GABRG3: variants seen among roughly 807,000 people sequenced by gnomAD.
The protein encoded by GABRG3 is gamma-aminobutyric acid type A receptor subunit gamma3.
A neutral mutation model predicts 48.8 loss-of-function variants in GABRG3; 25 were observed. That is an observed-to-expected ratio of 0.51 (90% CI 0.37 to 0.72). The LOEUF (loss-of-function observed/expected upper bound fraction) is 0.72, where lower values mean the gene tolerates loss of function less well. Ranked by LOEUF, GABRG3 falls within the 30% of genes least tolerant of loss-of-function variation. The pLI is 0.00. For missense variants in GABRG3, 394 were observed against 577.9 expected (o/e 0.68, Z 3.26); for synonymous variants, 227 against 217.6 (o/e 1.04, Z -0.38).
At chr15:27,442,850 G>A (rs1020050383) in intron 5 of GABRG3, among the ~76,000 whole-genome samples, 1 of 152,166 alleles carries the variant, frequency 6.6e-6, no homozygotes, top group Non-Finnish European at 1.5e-5. Flanking sequence ...CTTCCAAGGG[G>A]TAGAACTTCA....
intron 3 of GABRG3, among the ~76,000 whole-genome samples, chr15:27,175,678 G>A (rs780634516): frequency 6.6e-6 from 1 of 152,238 alleles, no homozygotes; most frequent in South Asian, 2.1e-4. Context: ...GTAAATGGTA[G>A]GAAGCATGGC....
chr15:27,091,191 A>G (rs1897178836), intron 3 of GABRG3, among the ~76,000 whole-genome samples: 1 of 152,204 alleles, frequency 6.6e-6, no homozygotes, highest in African/African-American at 2.4e-5. Flanking sequence ...ATTTTTCATC[A>G]TTAACAGATA....
chr15:27,300,662 T>A (rs369761199), intron 3 of GABRG3, among the ~76,000 whole-genome samples: 91 of 20,400 alleles, frequency 4.5e-3, no homozygotes, highest in South Asian at 5.2e-3. Context: ...CATCTCAAAA[T>A]AAATAAATAA....
chr15:27,004,107 C>T (rs1449703593), intron 2 of GABRG3, among the ~76,000 whole-genome samples: 6 of 147,246 alleles, frequency 4.1e-5, no homozygotes, highest in East Asian at 2.1e-4. Context: ...CCGGACGGGG[C>T]GGCTGGCCGG....
At chr15:27,254,886 G>GGC (rs1566981572) in intron 3 of GABRG3, among the ~76,000 whole-genome samples, 1 of 84,656 alleles carries the variant, frequency 1.2e-5, no homozygotes, top group African/African-American at 3.9e-5. Flanking sequence ...GAGAGAGACA[G>GGC]ACACAGACAG....
chr15:26,984,873 T>C (rs573719830), intron 2 of GABRG3, among the ~76,000 whole-genome samples: 1 of 152,162 alleles, frequency 6.6e-6, no homozygotes, highest in Non-Finnish European at 1.5e-5. Context: ...ATATTGGCTT[T>C]TAAAAGTGAA....
intron 1 of GABRG3, among the ~76,000 whole-genome samples, chr15:26,973,216 A>T (rs1894878375): frequency 6.6e-6 from 1 of 152,168 alleles, no homozygotes; most frequent in Non-Finnish European, 1.5e-5. Context: ...CTTAGTAGGA[A>T]GATACCTCAG....
intron 3 of GABRG3, among the ~76,000 whole-genome samples, chr15:27,187,333 G>A (rs1288522306): frequency 1.3e-5 from 2 of 152,142 alleles, no homozygotes; most frequent in Non-Finnish European, 2.9e-5. Context: ...TAGCCTTGTA[G>A]TATAGTTTAA....
intron 3 of GABRG3, among the ~76,000 whole-genome samples, chr15:27,277,755 A>G (rs1891302326): frequency 6.6e-6 from 1 of 152,214 alleles, no homozygotes. Context: ...AATAACTGCA[A>G]TTAAATCTGC....
chr15:27,045,591 G>A (rs1021611622), intron 3 of GABRG3, among the ~76,000 whole-genome samples: 65 of 152,326 alleles, frequency 4.3e-4, no homozygotes, highest in African/African-American at 1.4e-3. Flanking sequence ...TGCTGCAATT[G>A]CTGGGCATCA....
intron 5 of GABRG3, among the ~76,000 whole-genome samples, chr15:27,417,596 C>T (rs1368089957): frequency 1.3e-5 from 2 of 152,138 alleles, no homozygotes; most frequent in Non-Finnish European, 2.9e-5. Flanking sequence ...ACAGTGTGTC[C>T]GCTTTCTCTC....
chr15:27,244,619 AT>A (rs1595608891), intron 3 of GABRG3, among the ~76,000 whole-genome samples: 1 of 152,168 alleles, frequency 6.6e-6, no homozygotes, highest in East Asian at 1.9e-4. Context: ...TTAAATAAAT[AT>A]TTAAATCTTA....
At chr15:27,064,747 G>C (rs911278874) in intron 3 of GABRG3, among the ~76,000 whole-genome samples, 10 of 152,092 alleles carry the variant, frequency 6.6e-5, no homozygotes, top group African/African-American at 2.4e-4. Flanking sequence ...ATCAGAGCAG[G>C]GTGTCCACAG....
intron 3 of GABRG3, among the ~76,000 whole-genome samples, chr15:27,207,710 C>T (rs1434405454): frequency 2.0e-5 from 3 of 152,118 alleles, no homozygotes; most frequent in Non-Finnish European, 2.9e-5. Context: ...CCTTTGCTAG[C>T]GCTCAAGGTG....
chr15:27,131,446 A>T (rs1897915070), intron 3 of GABRG3, among the ~76,000 whole-genome samples: 1 of 151,842 alleles, frequency 6.6e-6, no homozygotes. Context: ...ATAGCATTTC[A>T]TTCAGGATTC....
chr15:27,162,477 T>C (rs577260582), intron 3 of GABRG3, among the ~76,000 whole-genome samples: 2 of 152,350 alleles, frequency 1.3e-5, no homozygotes, highest in East Asian at 3.9e-4. Context: ...TGTGCAGCTT[T>C]GGTCCTCTTG....
At chr15:27,142,026 A>G (rs1898113041) in intron 3 of GABRG3, among the ~76,000 whole-genome samples, 1 of 152,142 alleles carries the variant, frequency 6.6e-6, no homozygotes, top group South Asian at 2.1e-4. Context: ...TTGAGTGGAA[A>G]AGTTTTTACA....
chr15:27,358,972 G>T (rs527457460), intron 5 of GABRG3, among the ~76,000 whole-genome samples: 11 of 152,354 alleles, frequency 7.2e-5, no homozygotes, highest in African/African-American at 2.6e-4. Context: ...CCCTGGGGAG[G>T]ACCCGGCGGG....
At chr15:27,250,505 C>T (rs986957377) in intron 3 of GABRG3, among the ~76,000 whole-genome samples, 34 of 152,294 alleles carry the variant, frequency 2.2e-4, no homozygotes, top group African/African-American at 7.9e-4. Flanking sequence ...TGGCTCACTG[C>T]AACCTCTGCC....
Sources: allele counts gnomAD v4.1 joint callset (sites outside exome capture counted in the v4.1 genomes callset), GRCh38; gene constraint gnomAD v4.1.1; transcripts MANE v1.5; gene names NCBI Gene and HGNC (gene_info 2026-07-23, HGNC 2026-07-21).